The following MDGA2 variants were observed in gnomAD, a reference collection of about 807,000 sequenced individuals.
The protein encoded by MDGA2 is MAM domain containing glycosylphosphatidylinositol anchor 2.
In MDGA2, 40 loss-of-function variants were observed where a neutral mutation model predicts 117.8. That is an observed-to-expected ratio of 0.34 (90% CI 0.26 to 0.44). The LOEUF (loss-of-function observed/expected upper bound fraction) is 0.44. MDGA2 is among the 20% of genes least tolerant of loss of function. MDGA2 has a pLI of 1.00. For missense variants in MDGA2, 1,123 were observed against 1,250.6 expected (o/e 0.90, Z 1.54); for synonymous variants, 452 against 439.0 (o/e 1.03, Z -0.37).
chr14:46,859,862 T>C (rs1288242570), intron 14 of MDGA2, among the ~76,000 whole-genome samples: 1 of 152,102 alleles, frequency 6.6e-6, no homozygotes, highest in African/African-American at 2.4e-5. Context: ...ATAAACTTAT[T>C]TATATGAATA....
intron 1 of MDGA2, among the ~76,000 whole-genome samples, chr14:47,654,368 C>A (rs1897700889): frequency 6.6e-6 from 1 of 152,050 alleles, no homozygotes; most frequent in Admixed American, 6.6e-5. Context: ...TGCTTGAAGA[C>A]AATGAAGATG....
chr14:47,283,293 A>C (rs1390186713), intron 2 of MDGA2, among the ~76,000 whole-genome samples: 2 of 152,192 alleles, frequency 1.3e-5, no homozygotes, highest in Non-Finnish European at 2.9e-5. Context: ...TACCTTCAAG[A>C]AAAGTAAATT....
intron 1 of MDGA2, among the ~76,000 whole-genome samples, chr14:47,303,891 C>A (rs1889360692): frequency 6.6e-6 from 1 of 152,068 alleles, no homozygotes; most frequent in Admixed American, 6.6e-5. Flanking sequence ...TCAAAAACAT[C>A]ATTATGCAAA....
intron 3 of MDGA2, among the ~76,000 whole-genome samples, chr14:47,173,745 C>T (rs377357626): frequency 1.4e-3 from 206 of 152,172 alleles, no homozygotes; most frequent in Non-Finnish European, 2.3e-3. Context: ...CATCAACTAA[C>T]GAGCAAAATA....
At chr14:47,585,542 G>A (rs1330172171) in intron 1 of MDGA2, among the ~76,000 whole-genome samples, 9 of 151,788 alleles carry the variant, frequency 5.9e-5, no homozygotes, top group Admixed American at 2.0e-4. Flanking sequence ...ACGGTAATGC[G>A]CAGGAAAGAG....
chr14:46,922,003 C>A (rs370059671), intron 9 of MDGA2, among the ~76,000 whole-genome samples: 59 of 151,900 alleles, frequency 3.9e-4, no homozygotes, highest in African/African-American at 1.4e-3. Context: ...TGATTCAGTT[C>A]TAAGTAGCCC....
intron 5 of MDGA2, among the ~76,000 whole-genome samples, chr14:47,102,686 C>CT (rs776772369): frequency 2.0e-5 from 3 of 152,154 alleles, no homozygotes; most frequent in Non-Finnish European, 4.4e-5. Flanking sequence ...GCAAAGCTCT[C>CT]TATCTAAAGA....
chr14:47,326,199 T>C (rs946508779), intron 1 of MDGA2, among the ~76,000 whole-genome samples: 8 of 152,180 alleles, frequency 5.3e-5, no homozygotes, highest in African/African-American at 1.9e-4. Context: ...CATTTAGACA[T>C]GTTCTCTCTG....
intron 1 of MDGA2, among the ~76,000 whole-genome samples, chr14:47,610,637 G>C (rs551588301): frequency 3.3e-5 from 5 of 151,974 alleles, no homozygotes; most frequent in African/African-American, 1.2e-4. Flanking sequence ...GGAGGTGTAA[G>C]ACCTCCACAA....
At chr14:46,912,545 T>C (rs995226120) in intron 10 of MDGA2, among the ~76,000 whole-genome samples, 9 of 152,212 alleles carry the variant, frequency 5.9e-5, no homozygotes, top group Non-Finnish European at 1.0e-4. Flanking sequence ...TGTGAAAATA[T>C]GGGAATACTT....
intron 1 of MDGA2, among the ~76,000 whole-genome samples, chr14:47,665,566 C>T (rs905883508): frequency 5.3e-5 from 8 of 152,088 alleles, no homozygotes; most frequent in Non-Finnish European, 8.8e-5. Flanking sequence ...CTGCGCTGGG[C>T]ACTTGTGGGC....
intron 1 of MDGA2, among the ~76,000 whole-genome samples, chr14:47,441,987 G>C (rs1451151277): frequency 6.6e-6 from 1 of 151,824 alleles, no homozygotes; most frequent in African/African-American, 2.4e-5. Flanking sequence ...TTGATTTAAG[G>C]TTCTATTTAG....
chr14:47,185,155 T>C (rs1301519649), intron 3 of MDGA2, among the ~76,000 whole-genome samples: 1 of 150,822 alleles, frequency 6.6e-6, no homozygotes, highest in Non-Finnish European at 1.5e-5. Flanking sequence ...ATTAAAAAGA[T>C]GAATAGAATT....
chr14:47,238,964 G>A (rs1053517820), intron 2 of MDGA2, among the ~76,000 whole-genome samples: 2 of 151,612 alleles, frequency 1.3e-5, no homozygotes, highest in Admixed American at 1.3e-4. Flanking sequence ...TCAATTTTTT[G>A]TTGTAAGTAA....
intron 1 of MDGA2, among the ~76,000 whole-genome samples, chr14:47,349,346 C>T (rs1042434950): frequency 1.3e-5 from 2 of 152,148 alleles, no homozygotes; most frequent in Non-Finnish European, 2.9e-5. Flanking sequence ...CTTCAGGTAA[C>T]AGTTATGCAC....
At chr14:47,296,493 C>A (rs1167551700) in intron 2 of MDGA2, among the ~76,000 whole-genome samples, 1 of 152,114 alleles carries the variant, frequency 6.6e-6, no homozygotes, top group East Asian at 1.9e-4. Flanking sequence ...AGATAAACAG[C>A]AACCAGTAAA....
intron 2 of MDGA2, among the ~76,000 whole-genome samples, chr14:47,275,011 G>T (rs1445459279): frequency 1.3e-5 from 2 of 148,622 alleles, no homozygotes; most frequent in Non-Finnish European, 3.0e-5. Context: ...ATTCTGTGAG[G>T]TGTTGCTTCA....
chr14:47,371,541 C>A (rs575507328), intron 1 of MDGA2, among the ~76,000 whole-genome samples: 25 of 151,816 alleles, frequency 1.6e-4, no homozygotes, highest in African/African-American at 6.0e-4. Flanking sequence ...AGCACAGAAC[C>A]AGTTAAATAG....
rs544496785 is a variant in MDGA2, at chr14:46,982,586, G to C, written c.1820-24943C>G. Among the ~76,000 whole-genome samples, 28 of 151,340 alleles carry C rather than the reference G, an allele frequency of 1.9e-4. No individual in the cohort carries two copies. The South Asian group carries it at 5.9e-3, about 32-fold the overall frequency. On this transcript the variant is annotated intron_variant, in intron 8 of 16. Coordinates refer to ENST00000399232, the MANE Select transcript of MDGA2 (RefSeq NM_001113498.3). ...TAGCTGGGTGTGGTGGCACATGCTT[G>C]TAATTCCAGCTACTTGGGAGGCTGA... is the stretch of plus-strand genomic sequence containing the variant.
Sources: gnomAD v4.1 joint callset for allele counts (sites outside exome capture counted in the v4.1 genomes callset) on GRCh38, gnomAD v4.1.1 for gene constraint, MANE v1.5 for transcripts, NCBI Gene and HGNC (gene_info 2026-07-23, HGNC 2026-07-21) for gene names.